TLL2: variants seen among roughly 807,000 people sequenced by gnomAD.
The protein encoded by TLL2 is tolloid like 2, also known as tolloid-like protein 2.
Under a neutral mutation model 123.0 loss-of-function variants are expected in TLL2, and 106 were observed. The ratio of observed to expected loss-of-function variants is 0.86; its 90% confidence interval spans 0.74 to 1.01. The LOEUF (loss-of-function observed/expected upper bound fraction) is 1.01. TLL2 is among the 50% of genes least tolerant of loss of function. The pLI, the probability that TLL2 is intolerant of heterozygous loss-of-function variation, is 0.00. For missense variants in TLL2, 1,332 were observed against 1,336.7 expected, an observed-to-expected ratio of 1.00 and a Z score of 0.06; for synonymous variants, 494 against 516.8, an observed-to-expected ratio of 0.96 and a Z score of 0.60.
At position 96,366,983 on chromosome 10, in the gene TLL2, G is replaced by A. The variant is rs2134047605; in HGVS notation, c.*1105C>T. On this transcript the variant is annotated 3_prime_UTR_variant, in exon 21 of 21. Coordinates refer to ENST00000357947, the MANE Select transcript of TLL2 (RefSeq NM_012465.4). ...TGTTATGAATTCTGTTTGCAAGTTG[G>A]TGATTGAATACTAGTTAATCAGAGC... 1.3e-5 allele frequency: 2 copies of A among 152,684 alleles called. No individual in the cohort carries two copies. Among genetic ancestry groups the A allele is most frequent in the Middle Eastern group, 6.8e-3 (2 of 294 alleles). 9.5% of individuals were successfully genotyped at this position (152,684 alleles called of 1,614,324 possible). A position where few individuals can be genotyped will look rare whatever the true frequency, so the allele number is the denominator to read the frequency against.
chr10:96,373,824 G>A lies in TLL2; in HGVS notation c.2449-15C>T. On this transcript the variant is annotated splice_polypyrimidine_tract_variant and intron_variant, in intron 18 of 20. Transcript: ENST00000357947. The stretch of plus-strand genomic sequence containing the variant: ...TCATTAAAGGTCTGGGGACAGAAGA[G>A]CAGAAAGTAAGGCAAGGGCCTGGCG... The A allele has an allele frequency of 1.2e-6, 2 of 1,610,676 alleles. No homozygotes were observed. Among genetic ancestry groups the A allele is most frequent in the Non-Finnish European group, 8.5e-7 (1 of 1,178,890 alleles).
chr10:96,397,400 G>A, intron 10 of TLL2, 98 bp from the exon 11 acceptor site: 1 of 853,844 alleles, frequency 1.2e-6, no homozygotes, highest in Non-Finnish European at 1.8e-6. Context: ...CACGTGGTTT[G>A]AAGTGAGCAA....
chr10:96,401,483 G>A (rs184038945), intron 10 of TLL2, among the ~76,000 whole-genome samples: 3 of 148,332 alleles, frequency 2.0e-5, no homozygotes, highest in South Asian at 2.2e-4. Context: ...GAAGAATGAC[G>A]GTTACAGGCG....
At chr10:96,386,820 G>A (rs1230092248) in intron 14 of TLL2, 133 bp downstream of exon 14, 2 of 1,312,876 alleles carry the variant, frequency 1.5e-6, no homozygotes, top group Middle Eastern at 1.9e-4. Context: ...TAGGAAGTAG[G>A]TGGGTCTTCC....
At chr10:96,470,367 T>G (rs1229948836) in intron 2 of TLL2, among the ~76,000 whole-genome samples, 1 of 152,214 alleles carries the variant, frequency 6.6e-6, no homozygotes, top group South Asian at 2.1e-4. Flanking sequence ...CCTGGCTCCA[T>G]CCACAGTTCA....
At chr10:96,460,481 T>C (rs181346626) in intron 2 of TLL2, among the ~76,000 whole-genome samples, 164 of 152,266 alleles carry the variant, frequency 1.1e-3, no homozygotes, top group African/African-American at 3.6e-3. Context: ...CATGTCAAAT[T>C]GTAATGTCCG....
At chr10:96,487,124 G>A (rs573738780) in intron 1 of TLL2, among the ~76,000 whole-genome samples, 29 of 152,308 alleles carry the variant, frequency 1.9e-4, no homozygotes, top group African/African-American at 6.3e-4. Flanking sequence ...GTGTGACCTC[G>A]GGTAACTCAC....
At chr10:96,474,233 G>A (rs74151352) in intron 2 of TLL2, among the ~76,000 whole-genome samples, 2,333 of 152,144 alleles carry the variant, frequency 0.015, 53 homozygotes, top group African/African-American at 0.052. Context: ...TCCAAAATGC[G>A]GCTGCCACAT....
intron 16 of TLL2, 129 bp downstream of exon 16, chr10:96,384,442 TGGCACGCCCCCTCCAA>T (rs1421921302): frequency 9.6e-5 from 71 of 739,816 alleles, no homozygotes; most frequent in Non-Finnish European, 1.3e-4. Context: ...GCCCTGGATC[TGGCACGCCCCCTCCAA>T]GGCAGCCATA....
chr10:96,434,412 A>C (rs978125920), intron 3 of TLL2, among the ~76,000 whole-genome samples: 5 of 152,258 alleles, frequency 3.3e-5, no homozygotes, highest in Admixed American at 2.0e-4. Flanking sequence ...GAATTTGCCT[A>C]TTCTGGACAT....
At chr10:96,460,010 A>T (rs796214964) in intron 2 of TLL2, among the ~76,000 whole-genome samples, 1 of 151,596 alleles carries the variant, frequency 6.6e-6, no homozygotes, top group East Asian at 1.9e-4. Context: ...AGTAAGAATA[A>T]TTTTTTTTAA....
At chr10:96,473,476 T>C (rs1847204809) in intron 2 of TLL2, among the ~76,000 whole-genome samples, 1 of 152,106 alleles carries the variant, frequency 6.6e-6, no homozygotes, top group Non-Finnish European at 1.5e-5. Flanking sequence ...TCCCCATGAT[T>C]CAGAGACAGG....
chr10:96,415,894 A>T (rs1477772564), intron 7 of TLL2, among the ~76,000 whole-genome samples: 1 of 148,152 alleles, frequency 6.7e-6, no homozygotes, highest in Non-Finnish European at 1.5e-5. Flanking sequence ...TTTTTTTTCT[A>T]AATCAGATTT....
At chr10:96,400,034 T>G (rs537180848) in intron 10 of TLL2, among the ~76,000 whole-genome samples, 1 of 152,234 alleles carries the variant, frequency 6.6e-6, no homozygotes, top group Non-Finnish European at 1.5e-5. Context: ...AATCACTTTG[T>G]CACTCTTAAC....
rs181928149 is a variant in TLL2, at chr10:96,509,285, A to G, written c.175+4226T>C. ...TGTCTTTTCTACATTCCTAATCAAC[A>G]GAATCATGAACATAATAAAACAGAG... On this transcript the variant is annotated intron_variant, in intron 1 of 20. Coordinates refer to ENST00000357947, the MANE Select transcript of TLL2 (RefSeq NM_012465.4). 2.6e-3 allele frequency among the ~76,000 whole-genome samples: 399 copies of G among 152,352 alleles called. 3 individuals are homozygous for G. Among genetic ancestry groups the G allele is most frequent in the Non-Finnish European group, 4.4e-3 (300 of 68,034 alleles).
At chr10:96,451,904 T>G (rs908750081) in intron 2 of TLL2, among the ~76,000 whole-genome samples, 2 of 152,256 alleles carry the variant, frequency 1.3e-5, no homozygotes, top group African/African-American at 4.8e-5. Context: ...TGTTTACTCA[T>G]TTTTTAATAC....
At chr10:96,393,608 G>C (rs1041212020) in intron 13 of TLL2, among the ~76,000 whole-genome samples, 3 of 152,366 alleles carry the variant, frequency 2.0e-5, no homozygotes, top group African/African-American at 7.2e-5. Context: ...TGCAGGCTGG[G>C]CCAGGGTGGG....
At chr10:96,400,496 G>C (rs7893983) in intron 10 of TLL2, among the ~76,000 whole-genome samples, 66,535 of 152,018 alleles carry the variant, frequency 0.44, 15,100 homozygotes, top group East Asian at 0.74. Flanking sequence ...TTTGGAAACA[G>C]ACAAGTAGGA....
At chr10:96,393,239 C>G (rs771954750) in intron 13 of TLL2, among the ~76,000 whole-genome samples, 2 of 152,312 alleles carry the variant, frequency 1.3e-5, no homozygotes, top group South Asian at 2.1e-4. Flanking sequence ...TTTAAGCCAC[C>G]AAGCCTGTGG....
Sources: allele counts gnomAD v4.1 joint callset (sites outside exome capture counted in the v4.1 genomes callset), GRCh38; gene constraint gnomAD v4.1.1; transcripts MANE v1.5; gene names NCBI Gene and HGNC (gene_info 2026-07-23, HGNC 2026-07-21).